TMEM165: variants seen among roughly 807,000 people sequenced by gnomAD.
TMEM165 encodes transmembrane protein 165.
Under a neutral mutation model 30.0 loss-of-function variants are expected in TMEM165, and 19 were observed. That is an observed-to-expected ratio of 0.63 (90% confidence interval 0.44 to 0.93). TMEM165 has a LOEUF of 0.93. Among genes scored for constraint, TMEM165 ranks in the 40% least tolerant of loss-of-function variants. The probability of loss-of-function intolerance (pLI) is 0.00; values close to 1 mark genes in which losing one functional copy is unlikely to be tolerated. For missense variants in TMEM165, 340 were observed against 417.0 expected (o/e 0.82, Z 1.61); for synonymous variants, 168 against 162.9 (o/e 1.03, Z -0.24).
chr4:55,434,917 C>T (rs1722762071), intron 3 of TMEM165: 1 of 177,950 alleles, frequency 5.6e-6, no homozygotes, highest in African/African-American at 2.4e-5. Flanking sequence ...AAAGTAATTA[C>T]TGTTCCATCA....
chr4:55,445,738 GCAC>G (rs1445228833), intron 3 of TMEM165, among the ~76,000 whole-genome samples: 4 of 149,980 alleles, frequency 2.7e-5, no homozygotes, highest in Non-Finnish European at 5.9e-5. Flanking sequence ...CTACAGGCAT[GCAC>G]CACCACACCT....
At chr4:55,411,374 T>TA (rs1652038344) in intron 1 of TMEM165, among the ~76,000 whole-genome samples, 1 of 152,042 alleles carries the variant, frequency 6.6e-6, no homozygotes, top group Non-Finnish European at 1.5e-5. Flanking sequence ...TTCCAAAATC[T>TA]AAAAAAATCC....
intron 4 of TMEM165, among the ~76,000 whole-genome samples, chr4:55,419,716 T>A (rs1355307567): frequency 1.3e-5 from 2 of 152,112 alleles, no homozygotes; most frequent in East Asian, 3.9e-4. Context: ...ATTCTCTTTT[T>A]ATAAGAGTAA....
At chr4:55,416,701 C>T (rs1409014820) in intron 2 of TMEM165, among the ~76,000 whole-genome samples, 2 of 152,144 alleles carry the variant, frequency 1.3e-5, no homozygotes, top group Non-Finnish European at 1.5e-5. Flanking sequence ...AAAATCTCAG[C>T]TCTTGAGAGG....
chr4:55,411,537 A>G (rs1198187554), intron 1 of TMEM165, 77 bp from the exon 2 acceptor site: 2 of 1,376,876 alleles, frequency 1.5e-6, no homozygotes, highest in Non-Finnish European at 2.0e-6. Flanking sequence ...TTTTCAAAAA[A>G]ACTAAATCTT....
At chr4:55,442,361 G>T in intron 3 of TMEM165, 1 of 1,355,478 alleles carries the variant, frequency 7.4e-7, no homozygotes, top group Non-Finnish European at 1.1e-6. Context: ...ATTTGATTAA[G>T]AAATCAAATT....
intron 3 of TMEM165, chr4:55,442,223 G>C: frequency 1.8e-6 from 1 of 555,758 alleles, no homozygotes; most frequent in Non-Finnish European, 3.2e-6. Flanking sequence ...CATATTTTTG[G>C]ACAAGAAAAA....
rs1722166186 is a variant in TMEM165 at position 55,425,674 on chromosome 4, A to G, written c.*222A>G. ...TAAGTGTGGGTTTTTCTTCTCTCCAACATAATTATGTTAATATGGTCCTCA... is the reference window on the plus strand; with the variant it reads ...TAAGTGTGGGTTTTTCTTCTCTCCAGCATAATTATGTTAATATGGTCCTCA... On this transcript the variant is annotated 3_prime_UTR_variant, in exon 6 of 6. Transcript: ENST00000381334. The G allele has an allele frequency of 2.2e-6, 1 of 455,360 alleles. No homozygotes were observed. The highest frequency in any genetic ancestry group is 2.0e-5 in the African/African-American group (1 of 49,818). The allele number at this position is 455,360 out of a possible 1,614,324, so 28.2% of individuals were successfully genotyped here. A position where few individuals can be genotyped will look rare whatever the true frequency, so the allele number is the denominator to read the frequency against.
chr4:55,417,647 G>C (rs1721792967), intron 3 of TMEM165, 156 bp from the exon 4 acceptor site: 1 of 635,490 alleles, frequency 1.6e-6, no homozygotes, highest in African/African-American at 1.8e-5. Flanking sequence ...TGCTGTGTGA[G>C]ACCAGTGGTT....
intron 2 of TMEM165, among the ~76,000 whole-genome samples, chr4:55,414,787 C>G (rs1721658777): frequency 6.6e-6 from 1 of 152,212 alleles, no homozygotes. Context: ...CCTCCTCCCT[C>G]CACCCCAGGA....
At chr4:55,404,045 CT>C (rs201972116) in intron 1 of TMEM165, among the ~76,000 whole-genome samples, 6,799 of 121,908 alleles carry the variant, frequency 0.056, 523 homozygotes, top group African/African-American at 0.18. Flanking sequence ...TCTTTCTTTC[CT>C]TTTTTTTTTT....
chr4:55,449,258 TTAAG>T (rs574360628), intron 3 of TMEM165: 30 of 746,940 alleles, frequency 4.0e-5, no homozygotes, highest in African/African-American at 3.8e-4. Context: ...AAAGGAAGTC[TTAAG>T]TAAGTGTCAC....
intron 1 of TMEM165, chr4:55,403,330 C>T: frequency 3.1e-6 from 4 of 1,276,022 alleles, no homozygotes; most frequent in Non-Finnish European, 4.1e-6. Context: ...GATGGAGATT[C>T]CGATGCAGGT....
intron 3 of TMEM165, chr4:55,443,846 A>C: frequency 1.2e-6 from 2 of 1,613,706 alleles, no homozygotes; most frequent in Non-Finnish European, 1.7e-6. Flanking sequence ...TTCCAGAAGA[A>C]AGTTGAACGG....
intron 3 of TMEM165, among the ~76,000 whole-genome samples, chr4:55,447,775 A>T (rs1723993309): frequency 6.6e-6 from 1 of 152,218 alleles, no homozygotes; most frequent in Non-Finnish European, 1.5e-5. Context: ...AGCTATTTTT[A>T]AAAATATTGT....
At chr4:55,409,202 C>A (rs1470536253) in intron 1 of TMEM165, among the ~76,000 whole-genome samples, 1 of 152,112 alleles carries the variant, frequency 6.6e-6, no homozygotes, top group Non-Finnish European at 1.5e-5. Flanking sequence ...TTAAATTTCT[C>A]CAGTATTTAG....
At chr4:55,443,870 C>T (rs1560416598) in intron 3 of TMEM165, 1 of 1,612,882 alleles carries the variant, frequency 6.2e-7, no homozygotes, top group Non-Finnish European at 8.5e-7. Context: ...CAAAATTCAA[C>T]CCAGGATTTG....
intron 1 of TMEM165, among the ~76,000 whole-genome samples, chr4:55,406,199 G>T (rs573239971): frequency 1.2e-4 from 18 of 152,190 alleles, no homozygotes; most frequent in Middle Eastern, 3.2e-3. Flanking sequence ...GGTTGGACCT[G>T]CCTGAAGTCA....
At chr4:55,397,235 C>G (rs1326481554) in intron 1 of TMEM165, 1 of 152,192 alleles carries the variant, frequency 6.6e-6, no homozygotes, top group African/African-American at 2.4e-5. Flanking sequence ...CTAATCTTCC[C>G]GAACATTGAA....
Sources: gnomAD v4.1 joint callset for allele counts (sites outside exome capture counted in the v4.1 genomes callset) on GRCh38, gnomAD v4.1.1 for gene constraint, MANE v1.5 for transcripts, NCBI Gene and HGNC (gene_info 2026-07-23, HGNC 2026-07-21) for gene names.